Variants in ESR2 observed in about 807,000 individuals in gnomAD.
ESR2 encodes the protein estrogen receptor 2.
A neutral mutation model predicts 49.6 loss-of-function variants in ESR2; 36 were observed. The observed-to-expected ratio is 0.73, with a 90% CI of 0.56 to 0.96. ESR2 has a LOEUF of 0.96. Among genes scored for constraint, ESR2 ranks in the 40% least tolerant of loss-of-function variants. ESR2 has a pLI of 0.00. For missense variants in ESR2, 714 were observed against 693.0 expected, an observed-to-expected ratio of 1.03 and a Z score of -0.34; for synonymous variants, 320 against 266.1, an observed-to-expected ratio of 1.20 and a Z score of -1.97.
rs114574937 is a variant in ESR2, at chr14:64,229,207, G to A, written c.*3930C>T. On this transcript the variant is annotated 3_prime_UTR_variant, in exon 9 of 9. Coordinates refer to ENST00000341099, the MANE Select transcript of ESR2 (RefSeq NM_001437.3). ...GCAGACCCATCTAAGCTGAGGAGAT[G>A]GGATCTAAAGGTACAGCAGAAGACA... 2.9e-3 allele frequency among the ~76,000 whole-genome samples: 438 copies of A among 152,206 alleles called. 5 individuals are homozygous for A. The highest frequency in any genetic ancestry group is 0.01 in the African/African-American group (427 of 41,516).
At chr14:64,256,640 G>A (rs2076100964) in intron 6 of ESR2, among the ~76,000 whole-genome samples, 1 of 151,898 alleles carries the variant, frequency 6.6e-6, no homozygotes, top group African/African-American at 2.4e-5. Context: ...GAGGCAGCAG[G>A]ATCACTTGAA....
At position 64,229,686 on chromosome 14, in the gene ESR2, T is replaced by TA. The variant is rs1435548589; in HGVS notation, c.*3450dup. ...ACTGCCTGTGTTCAGCTCAATCACC[T>TA]ACTCCCCACGTGACCTTCAGCAAGT... On this transcript the variant is annotated 3_prime_UTR_variant, in exon 9 of 9. Transcript: ENST00000341099. Among the ~76,000 whole-genome samples, 4 of 152,200 alleles carry TA rather than the reference T, an allele frequency of 2.6e-5. No individual in the cohort carries two copies. The highest frequency in any genetic ancestry group is 9.6e-5 in the African/African-American group (4 of 41,452).
intron 1 of ESR2, among the ~76,000 whole-genome samples, chr14:64,302,560 G>A (rs1430274285): frequency 2.0e-5 from 3 of 152,026 alleles, no homozygotes; most frequent in African/African-American, 7.3e-5. Flanking sequence ...GGTGCTCTAG[G>A]GCAGGTCCTG....
intron 1 of ESR2, among the ~76,000 whole-genome samples, chr14:64,335,163 G>A (rs1300514839): frequency 3.3e-5 from 5 of 152,202 alleles, no homozygotes; most frequent in African/African-American, 1.2e-4. Context: ...AATAAGTGCT[G>A]TACATAGAAT....
At chr14:64,250,576 T>A (rs540580714) in intron 6 of ESR2, among the ~76,000 whole-genome samples, 2 of 152,292 alleles carry the variant, frequency 1.3e-5, no homozygotes, top group South Asian at 4.1e-4. Flanking sequence ...GTTAGATGAT[T>A]TTGTCACAAA....
chr14:64,231,718 T>C lies in ESR2; in HGVS notation c.*1419A>G, dbSNP rs1194662946. The C allele has an allele frequency of 1.3e-5, 2 of 152,244 alleles. No homozygotes were observed. Among genetic ancestry groups the C allele is most frequent in the Admixed American group, 1.3e-4 (2 of 15,288 alleles). The allele number at this position is 152,244 out of a possible 1,614,324, so 9.4% of individuals were successfully genotyped here. A position where few individuals can be genotyped will look rare whatever the true frequency, so the allele number is the denominator to read the frequency against. On this transcript the variant is annotated 3_prime_UTR_variant, in exon 9 of 9. Transcript: ENST00000341099. ...TATTTAATATCATATCACAAGGTAA[T>C]TGTTTAAAACGTTACTGCAATAATG... is the stretch of plus-strand genomic sequence containing the variant.
intron 1 of ESR2, among the ~76,000 whole-genome samples, chr14:64,325,880 A>G (rs2077383829): frequency 6.6e-6 from 1 of 152,212 alleles, no homozygotes; most frequent in Admixed American, 6.5e-5. Context: ...TACAACATAC[A>G]AAATATGTGT....
chr14:64,317,219 C>T (rs1273083722), intron 1 of ESR2, among the ~76,000 whole-genome samples: 1 of 152,194 alleles, frequency 6.6e-6, no homozygotes, highest in Non-Finnish European at 1.5e-5. Flanking sequence ...GGGCCCAGGT[C>T]GCACCACTGC....
At chr14:64,251,050 G>A (rs188139975) in intron 6 of ESR2, among the ~76,000 whole-genome samples, 8 of 152,232 alleles carry the variant, frequency 5.3e-5, no homozygotes, top group South Asian at 2.1e-4. Flanking sequence ...GGAAAAGGCC[G>A]TCTTAGAGAA....
chr14:64,249,138 G>A (rs748231470), intron 7 of ESR2, among the ~76,000 whole-genome samples: 1 of 152,086 alleles, frequency 6.6e-6, no homozygotes, highest in Non-Finnish European at 1.5e-5. Context: ...CCTAAACTAT[G>A]AGCCATTTGA....
At chr14:64,285,406 C>T (rs556032325) in intron 1 of ESR2, among the ~76,000 whole-genome samples, 1 of 152,316 alleles carries the variant, frequency 6.6e-6, no homozygotes, top group South Asian at 2.1e-4. Context: ...AACATGCAAA[C>T]TGCATTGTGA....
chr14:64,249,811 C>T lies in ESR2; in HGVS notation c.1092-132G>A, dbSNP rs981599054. The T allele has an allele frequency of 4.4e-6, 4 of 902,624 alleles. No individual in the cohort carries two copies. The African/African-American group carries it at 6.8e-5, about 15-fold the overall frequency. The allele number at this position is 902,624 out of a possible 1,614,324, so 55.9% of individuals were successfully genotyped here. A position where few individuals can be genotyped will look rare whatever the true frequency, so the allele number is the denominator to read the frequency against. ...TCATCTGATAATATCATTTTAACTA[C>T]AACAGGGTGTTAATGAGACCACACC... is the stretch of plus-strand genomic sequence containing the variant. On this transcript the variant is annotated intron_variant, in intron 6 of 8. Transcript: ENST00000341099.
At chr14:64,254,766 A>AAAAC (rs1222589696) in intron 6 of ESR2, among the ~76,000 whole-genome samples, 1 of 151,858 alleles carries the variant, frequency 6.6e-6, no homozygotes, top group African/African-American at 2.4e-5. Context: ...TCAAAAACAA[A>AAAAC]AAACAAACAA....
chr14:64,284,228 C>T (rs2076745183), intron 1 of ESR2, among the ~76,000 whole-genome samples: 1 of 151,644 alleles, frequency 6.6e-6, no homozygotes, highest in East Asian at 1.9e-4. Flanking sequence ...CATGCCTGGC[C>T]TACGTATCAG....
intron 3 of ESR2, among the ~76,000 whole-genome samples, chr14:64,271,378 T>A (rs1227156533): frequency 1.3e-5 from 2 of 152,034 alleles, no homozygotes; most frequent in Non-Finnish European, 2.9e-5. Context: ...CAGGCTGGAG[T>A]TCAGTGGCAT....
chr14:64,238,118 A>G (rs1367856103), intron 7 of ESR2, among the ~76,000 whole-genome samples: 1 of 152,266 alleles, frequency 6.6e-6, no homozygotes, highest in Non-Finnish European at 1.5e-5. Context: ...TTACAATAAC[A>G]TAAATTCCCT....
At chr14:64,233,476 T>TC in intron 8 of ESR2, 153 bp from the exon 9 acceptor site, 1 of 671,058 alleles carries the variant, frequency 1.5e-6, no homozygotes, top group African/African-American at 1.8e-5. Context: ...TGCATCCAGC[T>TC]CCCCCTGATA....
At chr14:64,269,423 G>A (rs1418120497) in intron 3 of ESR2, among the ~76,000 whole-genome samples, 1 of 152,234 alleles carries the variant, frequency 6.6e-6, no homozygotes, top group Non-Finnish European at 1.5e-5. Context: ...GAGTTGTGGT[G>A]GATTACCGTT....
At chr14:64,327,052 A>T (rs1419595753) in intron 1 of ESR2, among the ~76,000 whole-genome samples, 2 of 152,214 alleles carry the variant, frequency 1.3e-5, no homozygotes, top group Admixed American at 6.5e-5. Context: ...TCATCATGAA[A>T]ATATTCATGG....
Sources: allele counts gnomAD v4.1 joint callset (sites outside exome capture counted in the v4.1 genomes callset), GRCh38; gene constraint gnomAD v4.1.1; transcripts MANE v1.5; gene names NCBI Gene and HGNC (gene_info 2026-07-23, HGNC 2026-07-21).